Variants in SDK1 observed in about 807,000 individuals in gnomAD.
SDK1 encodes the protein protein sidekick-1.
In SDK1, 157 loss-of-function variants were observed where a neutral mutation model predicts 245.5. That is an observed-to-expected ratio of 0.64 (90% CI 0.56 to 0.73). The LOEUF is 0.73. Among genes scored for constraint, SDK1 ranks in the 30% least tolerant of loss-of-function variants. SDK1 has a pLI of 0.00. For missense variants in SDK1, 3,583 were observed against 3,002.3 expected (o/e 1.19, Z -4.52); for synonymous variants, 1,647 against 1,278.5 (o/e 1.29, Z -6.15).
intron 22 of SDK1, among the ~76,000 whole-genome samples, chr7:4,095,360 G>T (rs1782082374): frequency 6.6e-6 from 1 of 152,026 alleles, no homozygotes; most frequent in East Asian, 1.9e-4. Context: ...CCACACCTGA[G>T]GTCTATGTGT....
chr7:3,760,645 A>G (rs1306564709), intron 4 of SDK1, among the ~76,000 whole-genome samples: 2 of 152,108 alleles, frequency 1.3e-5, no homozygotes, highest in African/African-American at 4.8e-5. Flanking sequence ...GGACTTTTAG[A>G]CTTCAGGGAT....
chr7:3,596,924 A>G (rs1781086490), intron 1 of SDK1, among the ~76,000 whole-genome samples: 1 of 152,160 alleles, frequency 6.6e-6, no homozygotes, highest in South Asian at 2.1e-4. Context: ...CGTCTGCCTT[A>G]CTTGAACACA....
At chr7:3,441,723 T>C (rs139755837) in intron 1 of SDK1, among the ~76,000 whole-genome samples, 1 of 152,316 alleles carries the variant, frequency 6.6e-6, no homozygotes, top group East Asian at 1.9e-4. Flanking sequence ...TGGGATTGCA[T>C]TGGATCTTGT....
At chr7:3,982,757 A>C (rs916023736) in intron 13 of SDK1, among the ~76,000 whole-genome samples, 1 of 151,980 alleles carries the variant, frequency 6.6e-6, no homozygotes, top group Non-Finnish European at 1.5e-5. Context: ...GGAGAAGGGC[A>C]TGAACCCAGG....
intron 5 of SDK1, among the ~76,000 whole-genome samples, chr7:3,840,632 A>C (rs1026730552): frequency 5.9e-5 from 9 of 152,220 alleles, no homozygotes; most frequent in Non-Finnish European, 1.2e-4. Context: ...TAAAAAACCA[A>C]GATTTCCAAC....
intron 1 of SDK1, among the ~76,000 whole-genome samples, chr7:3,345,499 G>A (rs960642411): frequency 6.6e-6 from 1 of 152,096 alleles, no homozygotes; most frequent in Non-Finnish European, 1.5e-5. Flanking sequence ...CTTACAATAA[G>A]CATGATTTGC....
chr7:3,764,303 C>T (rs1780188187), intron 4 of SDK1, among the ~76,000 whole-genome samples: 2 of 152,128 alleles, frequency 1.3e-5, no homozygotes, highest in South Asian at 2.1e-4. Context: ...CGGTATTCTC[C>T]ATCCTACTGG....
intron 1 of SDK1, among the ~76,000 whole-genome samples, chr7:3,415,385 G>A (rs1372821850): frequency 6.6e-6 from 1 of 152,014 alleles, no homozygotes; most frequent in Non-Finnish European, 1.5e-5. Context: ...AGTGTGTAGA[G>A]AAGTTATATC....
intron 1 of SDK1, among the ~76,000 whole-genome samples, chr7:3,521,355 C>G (rs1782930742): frequency 6.6e-6 from 1 of 152,182 alleles, no homozygotes; most frequent in African/African-American, 2.4e-5. Context: ...GTAACAGATT[C>G]ATGGGTTCCA....
intron 5 of SDK1, among the ~76,000 whole-genome samples, chr7:3,876,524 A>C (rs1781080548): frequency 6.6e-6 from 1 of 152,220 alleles, no homozygotes; most frequent in South Asian, 2.1e-4. Context: ...TCTAGGAAGT[A>C]CTTTTTCTCT....
intron 1 of SDK1, among the ~76,000 whole-genome samples, chr7:3,374,489 A>T (rs566606589): frequency 2.6e-5 from 4 of 151,960 alleles, no homozygotes; most frequent in Non-Finnish European, 5.9e-5. Flanking sequence ...GTGCATTGTA[A>T]CTCTGAAAGC....
intron 4 of SDK1, among the ~76,000 whole-genome samples, chr7:3,758,695 G>C (rs1006798986): frequency 1.3e-5 from 2 of 152,144 alleles, no homozygotes; most frequent in African/African-American, 4.8e-5. Flanking sequence ...CACCCGCCCA[G>C]AGTCAGCCAT....
chr7:3,313,665 A>G (rs947666962), intron 1 of SDK1, among the ~76,000 whole-genome samples: 1 of 152,204 alleles, frequency 6.6e-6, no homozygotes, highest in Non-Finnish European at 1.5e-5. Context: ...GAGTGTAAGC[A>G]GTAGGGACGG....
At chr7:3,359,696 C>T (rs1297499207) in intron 1 of SDK1, among the ~76,000 whole-genome samples, 2 of 152,130 alleles carry the variant, frequency 1.3e-5, no homozygotes, top group African/African-American at 4.8e-5. Flanking sequence ...TGTGAGGATG[C>T]TCGAGCTGTA....
rs573871877 is a variant in SDK1 at position 3,723,879 on chromosome 7, CATAT to C, written c.713+81782_713+81785del. Among the ~76,000 whole-genome samples the C allele has an allele frequency of 2.5e-5, 3 of 119,492 alleles. No homozygotes were observed. The East Asian group carries it at 6.4e-4, about 26-fold the overall frequency. The allele number at this position is 119,492 out of a possible 152,430, so 78.4% of individuals were successfully genotyped here. A position where few individuals can be genotyped will look rare whatever the true frequency, so the allele number is the denominator to read the frequency against. On this transcript the variant is annotated intron_variant, in intron 4 of 44. Coordinates refer to ENST00000404826, the MANE Select transcript of SDK1 (RefSeq NM_152744.4). ...ACATATACACGTGTATATACACGTA[CATAT>C]ATATATACACGTGTATATACACGTA...
chr7:3,694,259 C>T (rs549724662), intron 4 of SDK1, among the ~76,000 whole-genome samples: 2 of 152,232 alleles, frequency 1.3e-5, no homozygotes, highest in Admixed American at 1.3e-4. Flanking sequence ...GTGAGAAAGG[C>T]GAATCTAAGA....
At chr7:3,740,102 T>G (rs1350836769) in intron 4 of SDK1, among the ~76,000 whole-genome samples, 2 of 152,186 alleles carry the variant, frequency 1.3e-5, no homozygotes, top group Non-Finnish European at 1.5e-5. Flanking sequence ...GACTTGTGTG[T>G]GTGTGTTGAG....
chr7:3,981,279 G>C (rs974771197), intron 13 of SDK1, among the ~76,000 whole-genome samples: 1 of 152,166 alleles, frequency 6.6e-6, no homozygotes, highest in Non-Finnish European at 1.5e-5. Flanking sequence ...GCAAACTTAA[G>C]CTATAAATGC....
intron 14 of SDK1, among the ~76,000 whole-genome samples, chr7:3,999,206 C>G (rs1001484737): frequency 6.6e-6 from 1 of 152,122 alleles, no homozygotes; most frequent in African/African-American, 2.4e-5. Context: ...AGCCATCGAC[C>G]TTCTTTCTCT....
Sources: allele counts gnomAD v4.1 joint callset (sites outside exome capture counted in the v4.1 genomes callset), GRCh38; gene constraint gnomAD v4.1.1; transcripts MANE v1.5; gene names NCBI Gene and HGNC (gene_info 2026-07-23, HGNC 2026-07-21).